Variants in RGS20 observed in about 807,000 individuals in gnomAD.
The protein encoded by RGS20 is regulator of G protein signaling 20, also known as gz-selective GTPase-activating protein.
A neutral mutation model predicts 33.6 loss-of-function variants in RGS20; 30 were observed. The ratio of observed to expected loss-of-function variants is 0.89; its 90% CI spans 0.67 to 1.21. RGS20 has a LOEUF of 1.21. Ranked by LOEUF, RGS20 falls within the 50% of genes most tolerant of loss-of-function variation. The probability of loss-of-function intolerance (pLI) is 0.00; values close to 1 mark genes in which losing one functional copy is unlikely to be tolerated. For missense variants in RGS20, 472 were observed against 502.4 expected (o/e 0.94, Z 0.58); for synonymous variants, 208 against 197.9 (o/e 1.05, Z -0.43).
At chr8:53,896,291 G>T (rs1484142930) in intron 2 of RGS20, among the ~76,000 whole-genome samples, 1 of 152,114 alleles carries the variant, frequency 6.6e-6, no homozygotes, top group Non-Finnish European at 1.5e-5. Flanking sequence ...CCCAAAAAAA[G>T]AAGAATATTT....
At chr8:53,950,201 T>C (rs994971805) in intron 4 of RGS20, among the ~76,000 whole-genome samples, 22 of 152,308 alleles carry the variant, frequency 1.4e-4, no homozygotes, top group African/African-American at 5.3e-4. Context: ...ATAGAAGTTT[T>C]AAAAATCAAA....
chr8:53,884,230 C>G lies in RGS20; in HGVS notation c.510+4628C>G, dbSNP rs147546557. 1.0e-4 allele frequency among the ~76,000 whole-genome samples: 13 copies of G among 128,522 alleles called. No individual in the cohort carries two copies. In the East Asian group the frequency reaches 3.4e-3, roughly 33 times the overall value. The allele number at this position is 128,522 out of a possible 152,430, so 84.3% of individuals were successfully genotyped here. A position where few individuals can be genotyped will look rare whatever the true frequency, so the allele number is the denominator to read the frequency against. ...TTTTTTTTTGATGCTGGGTCTCACT[C>G]TCTCACCCAGGCTGGAGTGCAGTGG... On this transcript the variant is annotated intron_variant, in intron 2 of 5. Transcript: ENST00000297313.
chr8:53,934,403 A>C (rs532817837), intron 2 of RGS20, among the ~76,000 whole-genome samples: 3 of 152,214 alleles, frequency 2.0e-5, no homozygotes, highest in Non-Finnish European at 4.4e-5. Flanking sequence ...AAATAAAGGC[A>C]TGGAGGAATA....
At chr8:53,890,598 G>A (rs1812686707) in intron 2 of RGS20, among the ~76,000 whole-genome samples, 2 of 152,158 alleles carry the variant, frequency 1.3e-5, no homozygotes. Context: ...ATCACTTCAG[G>A]CCAGCAGGTA....
intron 1 of RGS20, among the ~76,000 whole-genome samples, chr8:53,863,043 C>T (rs1053632736): frequency 1.3e-5 from 2 of 152,158 alleles, no homozygotes; most frequent in African/African-American, 2.4e-5. Context: ...GGCTGGAGTA[C>T]AATGGCACGA....
chr8:53,945,567 T>C (rs1307502200), intron 3 of RGS20, among the ~76,000 whole-genome samples: 2 of 152,108 alleles, frequency 1.3e-5, no homozygotes, highest in Admixed American at 6.6e-5. Context: ...AACCACTGAA[T>C]TGTACACTTT....
chr8:53,853,429 G>A (rs1423400227), intron 1 of RGS20, among the ~76,000 whole-genome samples: 2 of 152,216 alleles, frequency 1.3e-5, no homozygotes, highest in Non-Finnish European at 2.9e-5. Flanking sequence ...GTGCTGGGCA[G>A]CCTAACTTCT....
intron 2 of RGS20, chr8:53,881,042 G>A (rs773954650): frequency 1.3e-5 from 20 of 1,567,016 alleles, no homozygotes; most frequent in South Asian, 8.1e-5. Flanking sequence ...GAGGCGAGCC[G>A]GCCGGGGCTT....
At chr8:53,897,339 A>G (rs1349894092) in intron 2 of RGS20, among the ~76,000 whole-genome samples, 1 of 152,230 alleles carries the variant, frequency 6.6e-6, no homozygotes, top group Non-Finnish European at 1.5e-5. Flanking sequence ...AGCACTGGGT[A>G]AGGCCCTGCT....
At chr8:53,863,269 G>A (rs370494563) in intron 1 of RGS20, among the ~76,000 whole-genome samples, 40 of 152,230 alleles carry the variant, frequency 2.6e-4, no homozygotes, top group African/African-American at 9.4e-4. Context: ...TTACAGGTGC[G>A]AGCCACAGCG....
At chr8:53,953,389 C>T (rs1451188788) in intron 4 of RGS20, among the ~76,000 whole-genome samples, 1 of 151,910 alleles carries the variant, frequency 6.6e-6, no homozygotes, top group East Asian at 1.9e-4. Flanking sequence ...GGCGTGGTGG[C>T]ACGTGCCTGC....
rs576915902 is a variant in RGS20, at chr8:53,881,046, G to T, written c.510+1444G>T. 8.4e-6 allele frequency: 13 copies of T among 1,555,698 alleles called. No individual in the cohort carries two copies. In the East Asian group the frequency reaches 1.6e-4, roughly 19 times the overall value. ...CACGGCGGACGGAGGCGAGCCGGCC[G>T]GGGCTTCCTCCCCGGCCGGCAGGGT... On this transcript the variant is annotated intron_variant, in intron 2 of 5. Transcript: ENST00000297313.
intron 2 of RGS20, among the ~76,000 whole-genome samples, chr8:53,900,264 C>T (rs567728741): frequency 6.6e-6 from 1 of 152,260 alleles, no homozygotes; most frequent in South Asian, 2.1e-4. Context: ...ACCTCAGCCT[C>T]CTGAATAGGT....
rs1480906039 is a variant in RGS20, at chr8:53,877,382, G to T, written c.166-1876G>T. 6.6e-6 allele frequency among the ~76,000 whole-genome samples: 1 copy of T among 152,154 alleles called. No homozygotes were observed. The highest frequency in any genetic ancestry group is 1.9e-4 in the East Asian group (1 of 5,176). On this transcript the variant is annotated intron_variant, in intron 1 of 5. Transcript: ENST00000297313. This position sits in a 1 kb window ranked among gnomAD's most constrained non-coding sequence, Gnocchi z 5.7. ...CGCGGCCGCCGGCCCGCAGTCCCCC[G>T]CAGGTGCCGCCCAGGACTAGCTGCC... is the stretch of plus-strand genomic sequence containing the variant.
chr8:53,905,575 G>C (rs1319678900), intron 2 of RGS20, among the ~76,000 whole-genome samples: 1 of 152,126 alleles, frequency 6.6e-6, no homozygotes. Flanking sequence ...CATCACTGTT[G>C]ACCAGCATTC....
intron 5 of RGS20, among the ~76,000 whole-genome samples, chr8:53,954,819 C>G (rs1392404637): frequency 6.7e-6 from 1 of 150,030 alleles, no homozygotes; most frequent in Non-Finnish European, 1.5e-5. Context: ...TCCAGAGTAG[C>G]TGGGATTATA....
chr8:53,946,817 T>A (rs983585749), intron 4 of RGS20, 69 bp downstream of exon 3: 2 of 1,334,934 alleles, frequency 1.5e-6, no homozygotes, highest in Admixed American at 3.7e-5. Flanking sequence ...TTCTTTGCCT[T>A]GTATGTTTCA....
In RGS20 at chr8:53,877,686, G is replaced by A. The variant is rs1475490923; in HGVS notation, c.166-1572G>A. Among the ~76,000 whole-genome samples the A allele has an allele frequency of 2.0e-5, 3 of 152,198 alleles. No homozygotes were observed. Among genetic ancestry groups the A allele is most frequent in the Admixed American group, 6.5e-5 (1 of 15,290 alleles). ...TGAACGAGGAGAATGAAAATACTGG[G>A]AGAACGACCCCATTCTCCAGGAAAA... On this transcript the variant is annotated intron_variant, in intron 1 of 5. Coordinates refer to ENST00000297313, the MANE Select transcript of RGS20 (RefSeq NM_170587.4). The surrounding 1 kb of genome is among the most constrained non-coding windows in gnomAD (Gnocchi z 5.7).
At chr8:53,931,218 A>G (rs1294918582) in intron 2 of RGS20, among the ~76,000 whole-genome samples, 3 of 152,164 alleles carry the variant, frequency 2.0e-5, no homozygotes, top group Non-Finnish European at 2.9e-5. Flanking sequence ...AAAAAACAGT[A>G]AAGCCCTTTG....
Sources: gnomAD v4.1 joint callset for allele counts (sites outside exome capture counted in the v4.1 genomes callset) on GRCh38, gnomAD v4.1.1 for gene constraint, Gnocchi (gnomAD v3.1) non-coding constraint, MANE v1.5 for transcripts, NCBI Gene and HGNC (gene_info 2026-07-23, HGNC 2026-07-21) for gene names.